The following CCDC73 variants were observed in gnomAD, a reference collection of about 807,000 sequenced individuals.
CCDC73 encodes coiled-coil domain-containing protein 73.
Under a neutral mutation model 116.5 loss-of-function variants are expected in CCDC73, and 95 were observed. The observed-to-expected ratio is 0.82, with a 90% CI of 0.69 to 0.97. The LOEUF is 0.97. CCDC73 is among the 50% of genes least tolerant of loss of function. The pLI, the probability that CCDC73 is intolerant of heterozygous loss-of-function variation, is 0.00. For synonymous variants in CCDC73, 398 were observed against 401.3 expected (o/e 0.99, Z 0.10); for missense variants, 1,066 against 1,206.8 (o/e 0.88, Z 1.73).
At chr11:32,815,105 C>T in the CCDC73 span, among the ~76,000 whole-genome samples, 19 of 152,106 alleles carry the variant, frequency 1.2e-4, no homozygotes, top group Admixed American at 1.0e-3. Flanking sequence ...CGGAATGACA[C>T]AGTTGTGATA....
At chr11:32,655,100 T>G in intron 9 of CCDC73, 128 bp from the exon 10 acceptor site, 6 of 84,084 alleles carry the variant, frequency 7.1e-5, no homozygotes, top group Middle Eastern at 2.9e-3. Flanking sequence ...CCTTGCAAGT[T>G]CCCTTGCAAG....
At chr11:32,669,959 T>TTTTTC (rs1402130872) in intron 9 of CCDC73, among the ~76,000 whole-genome samples, 1 of 152,216 alleles carries the variant, frequency 6.6e-6, no homozygotes, top group Non-Finnish European at 1.5e-5. Context: ...TACTGATTTC[T>TTTTTC]TTTTCTTTGG....
At chr11:32,687,031 G>A (rs111394984) in intron 6 of CCDC73, among the ~76,000 whole-genome samples, 2,583 of 152,256 alleles carry the variant, frequency 0.017, 76 homozygotes, top group African/African-American at 0.057. Context: ...AAAGCTGACT[G>A]AAAAGCACAC....
chr11:32,707,861 A>G (rs1256798600), intron 3 of CCDC73, among the ~76,000 whole-genome samples: 1 of 152,108 alleles, frequency 6.6e-6, no homozygotes, highest in Non-Finnish European at 1.5e-5. Flanking sequence ...CATTTCTGAA[A>G]TCACCCCCAC....
chr11:32,667,905 AT>A (rs1396300914), intron 9 of CCDC73, among the ~76,000 whole-genome samples: 2 of 152,234 alleles, frequency 1.3e-5, no homozygotes, highest in Non-Finnish European at 2.9e-5. Flanking sequence ...TGCTATTATT[AT>A]CAGTGGAATG....
At chr11:32,821,059 T>C in the CCDC73 span, among the ~76,000 whole-genome samples, 1 of 152,202 alleles carries the variant, frequency 6.6e-6, no homozygotes, top group African/African-American at 2.4e-5. Flanking sequence ...TTAATTTTGA[T>C]GAGGTCAAAT....
At chr11:32,721,389 C>T (rs1182467963) in intron 2 of CCDC73, among the ~76,000 whole-genome samples, 1 of 151,854 alleles carries the variant, frequency 6.6e-6, no homozygotes, top group Non-Finnish European at 1.5e-5. Context: ...TTGAAATCAA[C>T]AGAATAAAGT....
chr11:32,819,189 T>C, the CCDC73 span, among the ~76,000 whole-genome samples: 2 of 152,108 alleles, frequency 1.3e-5, no homozygotes, highest in Non-Finnish European at 2.9e-5. Flanking sequence ...GAAAAGATAT[T>C]TAATATGGTC....
chr11:32,687,130 C>T (rs1324909424), intron 6 of CCDC73, among the ~76,000 whole-genome samples: 1 of 152,164 alleles, frequency 6.6e-6, no homozygotes, highest in Admixed American at 6.5e-5. Context: ...AAATACTGTG[C>T]TTAAAACATT....
At chr11:32,761,355 T>C (rs566481757) in intron 1 of CCDC73, among the ~76,000 whole-genome samples, 6 of 152,322 alleles carry the variant, frequency 3.9e-5, no homozygotes, top group Admixed American at 1.3e-4. Context: ...ATTTTAGTAG[T>C]TTCCAGTTTG....
intron 7 of CCDC73, among the ~76,000 whole-genome samples, chr11:32,676,577 G>A (rs1486509659): frequency 6.6e-6 from 1 of 152,154 alleles, no homozygotes; most frequent in Non-Finnish European, 1.5e-5. Flanking sequence ...TTGAGGCCAG[G>A]AGTTTGAGAC....
the CCDC73 span, among the ~76,000 whole-genome samples, chr11:32,811,076 AC>A: frequency 4.6e-4 from 13 of 27,968 alleles, no homozygotes; most frequent in South Asian, 1.9e-3. Context: ...AACAACAACA[AC>A]AAAAAAAAAA....
At chr11:32,681,922 T>C (rs765539628) in intron 7 of CCDC73, 25 of 151,928 alleles carry the variant, frequency 1.6e-4, no homozygotes, top group Non-Finnish European at 2.7e-4. Flanking sequence ...CCAGAATGAA[T>C]ATAAAATATT....
chr11:32,816,293 A>G, the CCDC73 span, among the ~76,000 whole-genome samples: 1 of 152,186 alleles, frequency 6.6e-6, no homozygotes, highest in Non-Finnish European at 1.5e-5. Context: ...AATGATCACA[A>G]TTACCTAGGG....
upstream of CCDC73, among the ~76,000 whole-genome samples, chr11:32,795,468 CA>C (rs71463373): frequency 3.0e-4 from 19 of 64,386 alleles, no homozygotes; most frequent in African/African-American, 5.2e-4. Flanking sequence ...AAAACCCTGT[CA>C]AAAAAAAAAA....
At chr11:32,771,293 GA>G (rs1850490790) in intron 1 of CCDC73, among the ~76,000 whole-genome samples, 1 of 152,090 alleles carries the variant, frequency 6.6e-6, no homozygotes, top group African/African-American at 2.4e-5. Context: ...ATGTTTTATG[GA>G]AAAGGAAAGG....
At chr11:32,616,237 A>C (rs1313725090) in intron 14 of CCDC73, 108 bp from the exon 15 acceptor site, 1 of 1,126,458 alleles carries the variant, frequency 8.9e-7, no homozygotes, top group Non-Finnish European at 1.2e-6. Flanking sequence ...CCATTCAGCA[A>C]TTTCTATTTG....
At chr11:32,787,541 G>A (rs1850639003) in intron 1 of CCDC73, among the ~76,000 whole-genome samples, 1 of 152,016 alleles carries the variant, frequency 6.6e-6, no homozygotes, top group Non-Finnish European at 1.5e-5. Context: ...GTTTCAAGTT[G>A]CTTTTTTCTT....
upstream of CCDC73, among the ~76,000 whole-genome samples, chr11:32,796,513 A>G (rs1180064333): frequency 6.6e-6 from 1 of 152,126 alleles, no homozygotes; most frequent in East Asian, 1.9e-4. Context: ...AGGTGTAGAG[A>G]GGCTAATGAG....
Sources: gnomAD v4.1 joint callset for allele counts (sites outside exome capture counted in the v4.1 genomes callset) on GRCh38, gnomAD v4.1.1 for gene constraint, MANE v1.5 for transcripts, NCBI Gene and HGNC (gene_info 2026-07-23, HGNC 2026-07-21) for gene names.